The following WDR86 variants were observed in gnomAD, a reference collection of about 807,000 sequenced individuals.
WDR86 encodes WD repeat-containing protein 86.
In WDR86, 30 loss-of-function variants were observed where a neutral mutation model predicts 36.5. The ratio of observed to expected loss-of-function variants is 0.82; its 90% CI spans 0.61 to 1.11. The LOEUF (loss-of-function observed/expected upper bound fraction) is 1.11, where lower values mean the gene tolerates loss of function less well. Ranked by LOEUF, WDR86 falls within the 50% of genes most tolerant of loss-of-function variation. The pLI is 0.00. For missense variants in WDR86, 545 were observed against 561.2 expected (o/e 0.97, Z 0.29); for synonymous variants, 255 against 252.9 (o/e 1.01, Z -0.08).
chr7:151,399,633 G>A (rs1295552054), intron 2 of WDR86, among the ~76,000 whole-genome samples: 3 of 152,242 alleles, frequency 2.0e-5, no homozygotes, highest in African/African-American at 7.2e-5. Context: ...AGAAGGAGGG[G>A]CTGGGATATT....
At chr7:151,382,901 G>A (rs1246523727) in intron 4 of WDR86, among the ~76,000 whole-genome samples, 1 of 152,134 alleles carries the variant, frequency 6.6e-6, no homozygotes, top group African/African-American at 2.4e-5. Flanking sequence ...TTGGGGAAAA[G>A]GGGTAGGACC....
chr7:151,409,680 C>T lies in WDR86; in HGVS notation c.-91G>A, dbSNP rs533479100. On this transcript the variant is annotated 5_prime_UTR_variant, in exon 1 of 6. Transcript: ENST00000334493. This position sits in a 1 kb window ranked among gnomAD's most constrained non-coding sequence, Gnocchi z 5.2. The stretch of plus-strand genomic sequence containing the variant: ...CGCGGCGGCTCCGTACGACTGCGGC[C>T]CGCGGCCATCGCGGGGAACGGGGAG... The T allele has an allele frequency of 1.5e-6, 2 of 1,291,208 alleles. No individual in the cohort carries two copies. The highest frequency in any genetic ancestry group is 4.9e-5 in the South Asian group (2 of 40,462). The allele number at this position is 1,291,208 out of a possible 1,614,324, so 80.0% of individuals were successfully genotyped here.
Position 151,395,909 on chromosome 7 carries a change from C to T in WDR86, c.593G>A (p.Cys198Tyr). 6.2e-7 allele frequency: 1 copy of T among 1,601,184 alleles called. No individual in the cohort carries two copies. Among genetic ancestry groups the T allele is most frequent in the Non-Finnish European group, 8.5e-7 (1 of 1,176,696 alleles). Residue 198 changes from cysteine to tyrosine, a missense_variant, in exon 3 of 6, where the codon TGC (cysteine) becomes TAC (tyrosine). By Grantham distance (194) the Cys-to-Tyr change is radical. Coordinates refer to ENST00000334493, the MANE Select transcript of WDR86 (RefSeq NM_198285.3). ...TLRGHTGAVL[C>Y]LVLDTPGHTA... ...GTGGCCGGGCGTGTCTAGCACTAGGCACAGCACTGCACCCGTGTGGCCCCG... is the reference window on the plus strand; with the variant it reads ...GTGGCCGGGCGTGTCTAGCACTAGGTACAGCACTGCACCCGTGTGGCCCCG...
chr7:151,404,641 G>A (rs954758227), intron 1 of WDR86, among the ~76,000 whole-genome samples: 4 of 152,208 alleles, frequency 2.6e-5, no homozygotes, highest in African/African-American at 9.7e-5. Flanking sequence ...GGGCTGCAGT[G>A]ATTGTGCAGA....
Position 151,390,894 on chromosome 7 carries a change from G to A in WDR86, c.726+4882C>T, listed in dbSNP as rs368671984. 1.2e-4 allele frequency among the ~76,000 whole-genome samples: 18 copies of A among 152,360 alleles called. 1 individual carries two copies. The highest frequency in any genetic ancestry group is 9.6e-4 in the East Asian group (5 of 5,192). The stretch of plus-strand genomic sequence containing the variant: ...GGTGCCCGGGGCATGGAAGAGCAGC[G>A]GGGAGTCAGTGTTTAATGGGGACAG... On this transcript the variant is annotated intron_variant, in intron 3 of 5. Coordinates refer to ENST00000334493, the MANE Select transcript of WDR86 (RefSeq NM_198285.3). The surrounding 1 kb of genome is among the most constrained non-coding windows in gnomAD (Gnocchi z 4.5).
downstream of WDR86, among the ~76,000 whole-genome samples, chr7:151,379,157 A>T (rs1222320231): frequency 6.6e-6 from 1 of 152,212 alleles, no homozygotes; most frequent in Non-Finnish European, 1.5e-5. Flanking sequence ...GGGGCAGGAC[A>T]GTCTGAGTGT....
chr7:151,404,540 T>C (rs1584792531), intron 1 of WDR86, among the ~76,000 whole-genome samples: 1 of 152,170 alleles, frequency 6.6e-6, no homozygotes, highest in Non-Finnish European at 1.5e-5. Flanking sequence ...GAACCAGGCC[T>C]GCCACCCCTG....
downstream of WDR86, chr7:151,374,076 G>A (rs1376028249): frequency 1.3e-6 from 2 of 1,546,232 alleles, no homozygotes; most frequent in African/African-American, 2.8e-5. Context: ...CTTGGGATGG[G>A]ACTTTGCTGT....
In WDR86 at chr7:151,409,163, T is replaced by A; in HGVS notation, c.163+264A>T. 1 of 639,754 alleles carries A rather than the reference T, an allele frequency of 1.6e-6. No homozygotes were observed. The highest frequency in any genetic ancestry group is 2.9e-6 in the Non-Finnish European group (1 of 344,762). 39.6% of individuals were successfully genotyped at this position (639,754 alleles called of 1,614,324 possible). ...CGCTGGTTGACAAATGATCTTCGCC[T>A]TTGTAGCGGACGCCCCTCGACCCAC... On this transcript the variant is annotated intron_variant, in intron 1 of 5. Coordinates refer to ENST00000334493, the MANE Select transcript of WDR86 (RefSeq NM_198285.3). This position sits in a 1 kb window ranked among gnomAD's most constrained non-coding sequence, Gnocchi z 5.2.
rs911828959 is a variant in WDR86 at position 151,388,422 on chromosome 7, C to A, written c.727-3199G>T. Reference sequence around the variant, plus strand: ...CAGGTCAAGCCCAGAACCTGGGCGACCCCTCAAAGAGCAGGGGAGAGGGCT... The same window carrying A: ...CAGGTCAAGCCCAGAACCTGGGCGAACCCTCAAAGAGCAGGGGAGAGGGCT... On this transcript the variant is annotated intron_variant, in intron 3 of 5. Transcript: ENST00000334493. This position sits in a 1 kb window ranked among gnomAD's most constrained non-coding sequence, Gnocchi z 4.2. Among the ~76,000 whole-genome samples, 1 of 151,988 alleles carries A rather than the reference C, an allele frequency of 6.6e-6. No individual in the cohort carries two copies. The highest frequency in any genetic ancestry group is 2.4e-5 in the African/African-American group (1 of 41,390).
chr7:151,382,382 A>C (rs908100388), intron 4 of WDR86, among the ~76,000 whole-genome samples: 3 of 151,990 alleles, frequency 2.0e-5, no homozygotes, highest in Non-Finnish European at 4.4e-5. Context: ...TCGGCACTCA[A>C]ATCAAAGCCC....
At chr7:151,376,597 C>T, downstream of WDR86, 3 of 1,556,934 alleles carry the variant, frequency 1.9e-6, no homozygotes, top group Non-Finnish European at 2.6e-6. Flanking sequence ...GAAGAGGCGC[C>T]AGGGGCTGAT....
chr7:151,376,382 C>T (rs1466274976), downstream of WDR86: 16 of 521,466 alleles, frequency 3.1e-5, no homozygotes, highest in Non-Finnish European at 5.5e-5. Context: ...GGTGTGGCGC[C>T]CTGCTCTCAG....
At chr7:151,379,833 G>C (rs546968642), downstream of WDR86, among the ~76,000 whole-genome samples, 5 of 152,282 alleles carry the variant, frequency 3.3e-5, no homozygotes, top group South Asian at 8.3e-4. Context: ...AGGCCAGAGC[G>C]CAGCATCACC....
the WDR86 span, among the ~76,000 whole-genome samples, chr7:151,370,814 A>G: frequency 6.6e-6 from 1 of 151,530 alleles, no homozygotes; most frequent in African/African-American, 2.4e-5. Flanking sequence ...TGTTCTTGCG[A>G]TAGTTTACTG....
At chr7:151,383,865 C>T (rs1798787699) in intron 4 of WDR86, among the ~76,000 whole-genome samples, 3 of 152,202 alleles carry the variant, frequency 2.0e-5, no homozygotes, top group Admixed American at 6.5e-5. Context: ...CTGCAGGCTT[C>T]GCTTTCCCTG....
intron 1 of WDR86, among the ~76,000 whole-genome samples, chr7:151,404,583 C>T (rs1227817687): frequency 6.6e-6 from 1 of 152,176 alleles, no homozygotes; most frequent in South Asian, 2.1e-4. Flanking sequence ...CCCGAGGACC[C>T]TAGGACAGAA....
chr7:151,400,393 G>C (rs1800198414), intron 1 of WDR86, among the ~76,000 whole-genome samples, 152 bp from the exon 2 acceptor site: 1 of 151,996 alleles, frequency 6.6e-6, no homozygotes, highest in South Asian at 2.1e-4. Flanking sequence ...GTTTTGTTTT[G>C]TTTTTTTGAG....
chr7:151,390,507 T>C lies in WDR86; in HGVS notation c.726+5269A>G, dbSNP rs942621360. Among the ~76,000 whole-genome samples the C allele has an allele frequency of 6.6e-6, 1 of 152,176 alleles. No homozygotes were observed. The highest frequency in any genetic ancestry group is 1.5e-5 in the Non-Finnish European group (1 of 68,026). ...CTTAAGAATCATTTCACTTTGGCAG[T>C]TCCTCAAAAAGCTGAACAGAGAATT... On this transcript the variant is annotated intron_variant, in intron 3 of 5. Transcript: ENST00000334493. This position sits in a 1 kb window ranked among gnomAD's most constrained non-coding sequence, Gnocchi z 4.5.
Sources: allele counts gnomAD v4.1 joint callset (sites outside exome capture counted in the v4.1 genomes callset), GRCh38; gene constraint gnomAD v4.1.1; non-coding constraint Gnocchi (gnomAD v3.1); transcripts MANE v1.5; gene names NCBI Gene and HGNC (gene_info 2026-07-23, HGNC 2026-07-21).